OPCML: variants seen among roughly 807,000 people sequenced by gnomAD.
OPCML encodes the protein opioid binding protein/cell adhesion molecule like, also known as opioid-binding protein/cell adhesion molecule.
OPCML carries 13 observed loss-of-function variants against 37.8 expected under a neutral mutation model. That is an observed-to-expected ratio of 0.34 (90% CI 0.22 to 0.55). OPCML has a LOEUF of 0.55. Among genes scored for constraint, OPCML ranks in the 20% least tolerant of loss-of-function variants. OPCML has a pLI of 0.91. For synonymous variants in OPCML, 176 were observed against 168.8 expected, an observed-to-expected ratio of 1.04 and a Z score of -0.33; for missense variants, 341 against 435.6, an observed-to-expected ratio of 0.78 and a Z score of 1.93.
chr11:133,437,392 A>T (rs1368645888), intron 1 of OPCML, among the ~76,000 whole-genome samples: 2 of 152,118 alleles, frequency 1.3e-5, no homozygotes, highest in Admixed American at 1.3e-4. Flanking sequence ...GGGAGTCAAG[A>T]TGTGCTGCAG....
intron 1 of OPCML, among the ~76,000 whole-genome samples, chr11:132,990,679 CTT>C (rs906754048): frequency 1.3e-5 from 2 of 152,200 alleles, no homozygotes; most frequent in African/African-American, 4.8e-5. Flanking sequence ...ATTGAATACA[CTT>C]TTTAAATATA....
intron 1 of OPCML, among the ~76,000 whole-genome samples, chr11:133,148,738 G>A (rs1468904534): frequency 1.3e-5 from 2 of 152,298 alleles, no homozygotes; most frequent in Non-Finnish European, 1.5e-5. Flanking sequence ...TGGCAGAGAC[G>A]AGGTCCAGAG....
chr11:132,965,369 G>C (rs1946191473), intron 1 of OPCML, among the ~76,000 whole-genome samples: 1 of 151,972 alleles, frequency 6.6e-6, no homozygotes, highest in Admixed American at 6.6e-5. Flanking sequence ...TGTGTCGGGG[G>C]GAGATGTTTA....
chr11:133,226,296 T>A lies in OPCML; in HGVS notation c.62-283286A>T, dbSNP rs1592121901. On this transcript the variant is annotated intron_variant, in intron 1 of 7. Transcript: ENST00000524381. ...ACCTCATTTTTGGCTCTTGCCCTCA[T>A]GGAGCTATAATCTGTGGTTCTAAAA... is the stretch of plus-strand genomic sequence containing the variant. 2.6e-5 allele frequency among the ~76,000 whole-genome samples: 4 copies of A among 152,248 alleles called. No homozygotes were observed. The East Asian group carries it at 7.7e-4, about 29-fold the overall frequency.
In OPCML at chr11:132,916,839, C is replaced by T. The variant is rs542677262; in HGVS notation, c.146+26087G>A. Among the ~76,000 whole-genome samples, 5 of 152,276 alleles carry T rather than the reference C, an allele frequency of 3.3e-5. No homozygotes were observed. The South Asian group carries it at 6.2e-4, about 19-fold the overall frequency. On this transcript the variant is annotated intron_variant, in intron 2 of 7. Transcript: ENST00000524381. ...GAGGGGCTGAGGATCTTACTGCAGT[C>T]GGCAGCAGCATGGGGTGCTTACCAA...
chr11:133,237,446 C>G (rs541612487), intron 1 of OPCML, among the ~76,000 whole-genome samples: 1 of 152,154 alleles, frequency 6.6e-6, no homozygotes, highest in African/African-American at 2.4e-5. Flanking sequence ...GCCAGGACTA[C>G]AGTTAACACA....
At chr11:133,303,986 C>T (rs890905525) in intron 1 of OPCML, among the ~76,000 whole-genome samples, 1 of 152,196 alleles carries the variant, frequency 6.6e-6, no homozygotes, top group African/African-American at 2.4e-5. Context: ...TACTGGAACA[C>T]TTAATGTGAA....
intron 7 of OPCML, among the ~76,000 whole-genome samples, chr11:132,423,473 C>T (rs889826440): frequency 1.3e-5 from 2 of 152,166 alleles, no homozygotes; most frequent in Non-Finnish European, 1.5e-5. Flanking sequence ...AGGGCTCTGC[C>T]GGAGGGCTCT....
intron 4 of OPCML, among the ~76,000 whole-genome samples, chr11:132,494,170 A>G (rs1592262140): frequency 6.6e-6 from 1 of 152,238 alleles, no homozygotes; most frequent in Non-Finnish European, 1.5e-5. Context: ...AGTTGTTGTC[A>G]ATAATACTTT....
intron 2 of OPCML, among the ~76,000 whole-genome samples, chr11:132,666,650 A>G (rs563469767): frequency 6.6e-6 from 1 of 152,248 alleles, no homozygotes; most frequent in Non-Finnish European, 1.5e-5. Context: ...TCTAAAGCTG[A>G]TAACTCAGAA....
At chr11:133,017,477 A>T (rs1947355851) in intron 1 of OPCML, among the ~76,000 whole-genome samples, 1 of 151,672 alleles carries the variant, frequency 6.6e-6, no homozygotes, top group Non-Finnish European at 1.5e-5. Context: ...GGCTCACCAC[A>T]ACCTCCGCCT....
chr11:132,962,770 C>A (rs148206867), intron 1 of OPCML, among the ~76,000 whole-genome samples: 26 of 152,300 alleles, frequency 1.7e-4, no homozygotes, highest in African/African-American at 6.3e-4. Flanking sequence ...GATCCATTCA[C>A]GGGCAGGCAC....
chr11:133,146,818 G>A lies in OPCML; in HGVS notation c.62-203808C>T, dbSNP rs530337541. On this transcript the variant is annotated intron_variant, in intron 1 of 7. Coordinates refer to ENST00000524381, the MANE Select transcript of OPCML (RefSeq NM_001012393.5). ...AAGTAGGGAACTCCCCCCAGCACAG[G>A]CCCAGTAACATGACAGGGCTAGAGC... 3.3e-5 allele frequency among the ~76,000 whole-genome samples: 5 copies of A among 152,306 alleles called. 1 individual carries two copies. The East Asian group carries it at 9.7e-4, about 29-fold the overall frequency.
At chr11:133,355,177 A>T (rs1303740246) in intron 1 of OPCML, among the ~76,000 whole-genome samples, 1 of 152,216 alleles carries the variant, frequency 6.6e-6, no homozygotes, top group East Asian at 1.9e-4. Context: ...GATGCCAATG[A>T]CTTTTCAAAT....
chr11:133,255,109 C>T (rs929870224), intron 1 of OPCML, among the ~76,000 whole-genome samples: 11 of 152,276 alleles, frequency 7.2e-5, no homozygotes, highest in African/African-American at 2.2e-4. Flanking sequence ...CTGTGCCATC[C>T]GTACACTAAC....
At chr11:133,105,154 G>A (rs1271184783) in intron 1 of OPCML, among the ~76,000 whole-genome samples, 2 of 152,118 alleles carry the variant, frequency 1.3e-5, no homozygotes. Flanking sequence ...TTGCTGAGAT[G>A]GTGGCTAAAA....
chr11:132,839,227 T>C (rs1198307822), intron 2 of OPCML, among the ~76,000 whole-genome samples: 3 of 152,120 alleles, frequency 2.0e-5, no homozygotes, highest in Non-Finnish European at 4.4e-5. Context: ...GTAATGAGAA[T>C]CTTGGAACGG....
intron 1 of OPCML, among the ~76,000 whole-genome samples, chr11:133,483,973 G>T (rs867707740): frequency 6.7e-6 from 1 of 149,140 alleles, no homozygotes; most frequent in Non-Finnish European, 1.5e-5. Flanking sequence ...ATATAGATAG[G>T]TAGATAGAAA....
rs539783264 is a variant in OPCML, at chr11:132,659,760, G to A, written c.147-2441C>T. On this transcript the variant is annotated intron_variant, in intron 2 of 7. Transcript: ENST00000524381. ...TGTTCAGTAGAATTTAAATATCACAGTGATTAACACTCCTGATTATCTGCT... is the reference window on the plus strand; with the variant it reads ...TGTTCAGTAGAATTTAAATATCACAATGATTAACACTCCTGATTATCTGCT... Among the ~76,000 whole-genome samples, 8 of 151,812 alleles carry A rather than the reference G, an allele frequency of 5.3e-5. No individual in the cohort carries two copies. The South Asian group carries it at 1.7e-3, about 32-fold the overall frequency.
Sources: allele counts gnomAD v4.1 joint callset (sites outside exome capture counted in the v4.1 genomes callset), GRCh38; gene constraint gnomAD v4.1.1; transcripts MANE v1.5; gene names NCBI Gene and HGNC (gene_info 2026-07-23, HGNC 2026-07-21).